The following C10orf53 variants were observed in gnomAD, a reference collection of about 807,000 sequenced individuals.
C10orf53 encodes chromosome 10 open reading frame 53.
Under a neutral mutation model 9.4 loss-of-function variants are expected in C10orf53, and 8 were observed. The ratio of observed to expected loss-of-function variants is 0.85; its 90% CI spans 0.50 to 1.53. The LOEUF is 1.53. Among genes scored for constraint, C10orf53 ranks in the 40% most tolerant of loss-of-function variants. The pLI is 0.00. For missense variants in C10orf53, 117 were observed against 117.8 expected, an observed-to-expected ratio of 0.99 and a Z score of 0.03; for synonymous variants, 48 against 46.0, an observed-to-expected ratio of 1.04 and a Z score of -0.18.
Position 49,708,598 on chromosome 10 carries a change from G to A in C10orf53, c.455G>A (p.Arg152Lys), listed in dbSNP as rs774569490. 1.2e-5 allele frequency: 20 copies of A among 1,614,036 alleles called. No homozygotes were observed. The Admixed American group carries it at 3.3e-4, about 27-fold the overall frequency. The stretch of plus-strand genomic sequence containing the variant: ...ATGCTCATTTCTGGACTAGAGAAGA[G>A]GGGAACTCAGCCCTACTGAAATCGA... The change falls in exon 3 of 3, where the codon AGG becomes AAG. Residue 152 changes from arginine to lysine, a missense_variant. Coordinates refer to the C10orf53 transcript ENST00000374112.
At chr10:49,700,761 T>A (rs1195764149), downstream of C10orf53, among the ~76,000 whole-genome samples, 1 of 152,128 alleles carries the variant, frequency 6.6e-6, no homozygotes, top group Non-Finnish European at 1.5e-5. Flanking sequence ...AGCAATGGCC[T>A]TCAGAGTCTC....
At chr10:49,692,415 A>T (rs1179777017) in intron 1 of C10orf53, among the ~76,000 whole-genome samples, 1 of 152,264 alleles carries the variant, frequency 6.6e-6, no homozygotes. Flanking sequence ...TTGGGGCTGG[A>T]TGTTCTTGAA....
rs922877276 is a variant in C10orf53, at chr10:49,694,528, G to T, written c.218-10G>T. The T allele has an allele frequency of 6.8e-6, 11 of 1,613,960 alleles. No homozygotes were observed. The highest frequency in any genetic ancestry group is 9.3e-6 in the Non-Finnish European group (11 of 1,179,968). On this transcript the variant is annotated splice_polypyrimidine_tract_variant and intron_variant, in intron 2 of 2. Transcript: ENST00000374111. The stretch of plus-strand genomic sequence containing the variant: ...AGCTAACCAAAAGACAATTATATCT[G>T]TTTCCCTAGGAGGCGATGGTAAACT...
chr10:49,708,862 A>T, exon 3 of C10orf53: 1 of 560,276 alleles, frequency 1.8e-6, no homozygotes, highest in Admixed American at 3.4e-5. Context: ...TACTTACTCA[A>T]TTTGGGAACT....
chr10:49,699,901 CG>C (rs201054459), downstream of C10orf53, among the ~76,000 whole-genome samples: 2 of 151,796 alleles, frequency 1.3e-5, no homozygotes, highest in African/African-American at 4.8e-5. Flanking sequence ...TCATCCCCCC[CG>C]AGATCAGGTT....
intron 2 of C10orf53, among the ~76,000 whole-genome samples, chr10:49,704,065 C>T (rs575366189): frequency 6.6e-6 from 1 of 152,220 alleles, no homozygotes; most frequent in South Asian, 2.1e-4. Flanking sequence ...GGAGCAAATA[C>T]TTAAATGTAA....
chr10:49,702,781 C>A (rs901604577), intron 2 of C10orf53, among the ~76,000 whole-genome samples: 1 of 152,062 alleles, frequency 6.6e-6, no homozygotes, highest in East Asian at 1.9e-4. Context: ...GTTTCTCTGG[C>A]GAACCCTGAC....
At position 49,695,003 on chromosome 10, in the gene C10orf53, G is replaced by A. The variant is rs1211384965; in HGVS notation, c.*401G>A. On this transcript the variant is annotated 3_prime_UTR_variant, in exon 3 of 3. Transcript: ENST00000374111. ...TCAGAACAGGTGAAATTAAAGAGAG[G>A]TTGGGGGAAGAGTGGGAATAAAGGC... 8.4e-6 allele frequency: 8 copies of A among 948,286 alleles called. No homozygotes were observed. Among genetic ancestry groups the A allele is most frequent in the African/African-American group, 3.5e-5 (2 of 56,554 alleles). 58.7% of individuals were successfully genotyped at this position (948,286 alleles called of 1,614,324 possible). A position where few individuals can be genotyped will look rare whatever the true frequency, so the allele number is the denominator to read the frequency against.
Position 49,695,587 on chromosome 10 carries a change from G to C in C10orf53, c.*985G>C, listed in dbSNP as rs2132884708. On this transcript the variant is annotated 3_prime_UTR_variant, in exon 3 of 3. Transcript: ENST00000374111. Reference sequence around the variant, plus strand: ...AGAGACCTGCGGCTTCACCTGCTCTGAGAGCAGTCCTAACCATCGCCCCAG... The same window carrying C: ...AGAGACCTGCGGCTTCACCTGCTCTCAGAGCAGTCCTAACCATCGCCCCAG... The C allele has an allele frequency of 6.6e-6, 1 of 152,366 alleles. No homozygotes were observed. The highest frequency in any genetic ancestry group is 2.4e-5 in the African/African-American group (1 of 41,570). 9.4% of individuals were successfully genotyped at this position (152,366 alleles called of 1,614,324 possible). A position where few individuals can be genotyped will look rare whatever the true frequency, so the allele number is the denominator to read the frequency against.
chr10:49,702,220 GAA>G (rs1840689111), downstream of C10orf53, among the ~76,000 whole-genome samples: 2 of 129,648 alleles, frequency 1.5e-5, no homozygotes, highest in Non-Finnish European at 1.7e-5. Flanking sequence ...GAAAAGGAAG[GAA>G]GGAAGGGAGG....
At chr10:49,700,753 C>T (rs1840676275), downstream of C10orf53, among the ~76,000 whole-genome samples, 1 of 152,182 alleles carries the variant, frequency 6.6e-6, no homozygotes. Flanking sequence ...GCAGCAGCAG[C>T]AATGGCCTTC....
downstream of C10orf53, among the ~76,000 whole-genome samples, chr10:49,698,092 A>G (rs1840651215): frequency 1.3e-5 from 2 of 152,064 alleles, no homozygotes; most frequent in African/African-American, 2.4e-5. Flanking sequence ...GGGGTTCCAG[A>G]CCAGCCTGGG....
Position 49,695,477 on chromosome 10 carries a change from C to T in C10orf53, c.*875C>T, listed in dbSNP as rs1042247767. 1 of 152,216 alleles carries T rather than the reference C, an allele frequency of 6.6e-6. No homozygotes were observed. The highest frequency in any genetic ancestry group is 2.4e-5 in the African/African-American group (1 of 41,448). 9.4% of individuals were successfully genotyped at this position (152,216 alleles called of 1,614,324 possible). On this transcript the variant is annotated 3_prime_UTR_variant, in exon 3 of 3. Transcript: ENST00000374111. ...AGGTCATGGTAAGAAGGCCTCACACCTACGGGGAGAAAACCAGATTCCCTA... is the reference window on the plus strand; with the variant it reads ...AGGTCATGGTAAGAAGGCCTCACACTTACGGGGAGAAAACCAGATTCCCTA...
chr10:49,686,102 G>A (rs982369028), intron 1 of C10orf53, among the ~76,000 whole-genome samples: 2 of 152,198 alleles, frequency 1.3e-5, no homozygotes, highest in Non-Finnish European at 2.9e-5. Context: ...TGGAGCTGAG[G>A]CAGAAGAACA....
At chr10:49,683,218 A>G (rs945150243) in intron 1 of C10orf53, among the ~76,000 whole-genome samples, 1 of 152,254 alleles carries the variant, frequency 6.6e-6, no homozygotes, top group South Asian at 2.1e-4. Context: ...AATTACAGCC[A>G]TCGCAGTAGG....
intron 1 of C10orf53, among the ~76,000 whole-genome samples, chr10:49,693,567 C>A (rs1840604519): frequency 6.6e-6 from 1 of 152,196 alleles, no homozygotes; most frequent in Non-Finnish European, 1.5e-5. Context: ...CAACTGAAAC[C>A]TGAATTACTC....
At chr10:49,687,217 C>T (rs1260893874) in intron 1 of C10orf53, among the ~76,000 whole-genome samples, 2 of 152,198 alleles carry the variant, frequency 1.3e-5, no homozygotes, top group Admixed American at 6.5e-5. Flanking sequence ...GTTCCTTGCT[C>T]CTGCCACAAC....
Position 49,695,015 on chromosome 10 carries a change from G to A in C10orf53, c.*413G>A, listed in dbSNP as rs181253295. The A allele has an allele frequency of 1.6e-4, 143 of 920,706 alleles. No homozygotes were observed. In the African/African-American group the frequency reaches 2.3e-3, roughly 15 times the overall value. 57.0% of individuals were successfully genotyped at this position (920,706 alleles called of 1,614,324 possible). A position where few individuals can be genotyped will look rare whatever the true frequency, so the allele number is the denominator to read the frequency against. On this transcript the variant is annotated 3_prime_UTR_variant, in exon 3 of 3. Transcript: ENST00000374111. ...AAATTAAAGAGAGGTTGGGGGAAGA[G>A]TGGGAATAAAGGCTTTTGAAAGTCT... is the stretch of plus-strand genomic sequence containing the variant.
At chr10:49,709,594 C>T (rs1162666739) in exon 3 of C10orf53, 1 of 152,324 alleles carries the variant, frequency 6.6e-6, no homozygotes, top group Non-Finnish European at 1.5e-5. Flanking sequence ...CTCTGTTGCT[C>T]ACAGCTATAA....
Sources: gnomAD v4.1 joint callset for allele counts (sites outside exome capture counted in the v4.1 genomes callset) on GRCh38, gnomAD v4.1.1 for gene constraint, MANE v1.5 for transcripts, NCBI Gene and HGNC (gene_info 2026-07-23, HGNC 2026-07-21) for gene names.